The following MARK4 variants were observed in gnomAD, a reference collection of about 807,000 sequenced individuals.
MARK4 encodes the protein microtubule affinity regulating kinase 4.
A neutral mutation model predicts 81.5 loss-of-function variants in MARK4; 19 were observed. The observed-to-expected ratio is 0.23, with a 90% CI of 0.16 to 0.34. MARK4 has a LOEUF of 0.34. Ranked by LOEUF, MARK4 falls within the 10% of genes least tolerant of loss-of-function variation. The probability of loss-of-function intolerance (pLI) is 1.00; values close to 1 mark genes in which losing one functional copy is unlikely to be tolerated. For synonymous variants in MARK4, 436 were observed against 439.0 expected (o/e 0.99, Z 0.08); for missense variants, 772 against 1,058.8 (o/e 0.73, Z 3.76).
At position 45,287,570 on chromosome 19, in the gene MARK4, G is replaced by A. The variant is rs756518643; in HGVS notation, c.1400G>A (p.Arg467Gln). The A allele has an allele frequency of 1.3e-6, 2 of 1,594,458 alleles. No homozygotes were observed. Among genetic ancestry groups the A allele is most frequent in the Admixed American group, 1.7e-5 (1 of 57,978 alleles). Residue 467 changes from arginine (R) to glutamine (Q), a missense_variant, in exon 13 of 17, where the codon CGA (arginine) becomes CAA (glutamine). Arg to Gln is a conservative substitution (Grantham distance 43). Around this residue, in one of 3 missense-constraint regions of MARK4, gnomAD observed 548 missense variants for 624.3 expected, o/e 0.88. Coordinates refer to ENST00000262891, the MANE Select transcript of MARK4 (RefSeq NM_001199867.2). ...TGCAGCACCGCGGGGAGTGGGAGTC[G>A]AGGGCTGCCCCCCTCCAGCCCCATG... The part of the protein sequence containing the change: ...ASCSTAGSGS[R>Q]GLPPSSPMVS...
chr19:45,290,632 A>T (rs1970808722), intron 13 of MARK4, among the ~76,000 whole-genome samples: 1 of 152,164 alleles, frequency 6.6e-6, no homozygotes, highest in African/African-American at 2.4e-5. Context: ...ACCACTTATG[A>T]CCAGCTTTAA....
chr19:45,291,713 C>T (rs1047158630), intron 13 of MARK4, among the ~76,000 whole-genome samples: 1 of 152,164 alleles, frequency 6.6e-6, no homozygotes. Flanking sequence ...ACCTAGGAGG[C>T]GGAGGTTGCA....
chr19:45,280,876 C>A (rs1412770550), intron 12 of MARK4, 142 bp downstream of exon 12: 17 of 1,208,130 alleles, frequency 1.4e-5, no homozygotes, highest in Non-Finnish European at 1.7e-5. Flanking sequence ...TATAAAGACA[C>A]AGGGCATTGC....
intron 15 of MARK4, chr19:45,298,167 G>A (rs1970916647): frequency 3.7e-6 from 6 of 1,613,682 alleles, no homozygotes; most frequent in Non-Finnish European, 4.2e-6. Flanking sequence ...CCTCTAAACG[G>A]CAGAACTCTA....
chr19:45,264,507 A>G (rs1970424265), intron 4 of MARK4, among the ~76,000 whole-genome samples, 177 bp from the exon 5 acceptor site: 1 of 151,230 alleles, frequency 6.6e-6, no homozygotes, highest in Non-Finnish European at 1.5e-5. Flanking sequence ...AAAAAACGAA[A>G]GTGGAAAGGG....
At chr19:45,299,371 C>G (rs560786978) in intron 15 of MARK4, among the ~76,000 whole-genome samples, 1 of 152,232 alleles carries the variant, frequency 6.6e-6, no homozygotes, top group East Asian at 1.9e-4. Context: ...CTGCAGCGAG[C>G]TGAGATCACG....
Position 45,303,732 on chromosome 19 carries a change from GTC to G in MARK4, c.*1024_*1025del. 1 of 149,014 alleles carries G rather than the reference GTC, an allele frequency of 6.7e-6. No individual in the cohort carries two copies. Among genetic ancestry groups the G allele is most frequent in the African/African-American group, 2.6e-5 (1 of 38,422 alleles). 9.2% of individuals were successfully genotyped at this position (149,014 alleles called of 1,614,324 possible). A position where few individuals can be genotyped will look rare whatever the true frequency, so the allele number is the denominator to read the frequency against. ...GCTGGACACAGAGACATGAAGCTCT[GTC>G]TGTGGGAGACAGGGATTCTGACACA... On this transcript the variant is annotated 3_prime_UTR_variant, in exon 17 of 17. Transcript: ENST00000262891.
rs531720953 is a variant in MARK4, at chr19:45,258,272, A to T, written c.52-717A>T. Among the ~76,000 whole-genome samples, 5 of 152,320 alleles carry T rather than the reference A, an allele frequency of 3.3e-5. No individual in the cohort carries two copies. In the South Asian group the frequency reaches 1.0e-3, roughly 32 times the overall value. On this transcript the variant is annotated intron_variant, in intron 1 of 16. Coordinates refer to ENST00000262891, the MANE Select transcript of MARK4 (RefSeq NM_001199867.2). Reference sequence around the variant, plus strand: ...AGTGCTGGGATTACAGGCCTGAGCCACTGCACCTGGCCACCTGGCCCATAA... The same window carrying T: ...AGTGCTGGGATTACAGGCCTGAGCCTCTGCACCTGGCCACCTGGCCCATAA...
At chr19:45,290,159 C>T (rs978112466) in intron 13 of MARK4, among the ~76,000 whole-genome samples, 3 of 152,240 alleles carry the variant, frequency 2.0e-5, no homozygotes, top group Non-Finnish European at 2.9e-5. Flanking sequence ...TTCTTGAGAA[C>T]ATTCATCTTT....
chr19:45,281,727 T>C (rs1468767587), intron 12 of MARK4, among the ~76,000 whole-genome samples: 4 of 152,142 alleles, frequency 2.6e-5, no homozygotes, highest in Non-Finnish European at 5.9e-5. Flanking sequence ...GAAGCTCTGA[T>C]ATCAGAGTCA....
At chr19:45,252,449 G>T (rs141266444) in intron 1 of MARK4, among the ~76,000 whole-genome samples, 1 of 151,906 alleles carries the variant, frequency 6.6e-6, no homozygotes, top group Non-Finnish European at 1.5e-5. Flanking sequence ...GGCCTCATCC[G>T]CCCTCTATCA....
intron 7 of MARK4, among the ~76,000 whole-genome samples, chr19:45,270,911 T>C (rs952787850): frequency 9.2e-5 from 14 of 152,176 alleles, no homozygotes; most frequent in African/African-American, 3.4e-4. Flanking sequence ...GCTGGGATTA[T>C]AGGCATGTGC....
intron 6 of MARK4, among the ~76,000 whole-genome samples, chr19:45,265,871 C>G (rs1179788331): frequency 6.6e-6 from 1 of 151,944 alleles, no homozygotes; most frequent in South Asian, 2.1e-4. Flanking sequence ...GTGTTTCTGC[C>G]TTGACGCTGC....
At chr19:45,298,319 G>C (rs1970920407) in intron 15 of MARK4, 1 of 1,204,840 alleles carries the variant, frequency 8.3e-7, no homozygotes, top group East Asian at 2.3e-5. Flanking sequence ...CTGTGGATGT[G>C]AGGGTCTGTG....
At chr19:45,281,592 C>T (rs1476182316) in intron 12 of MARK4, among the ~76,000 whole-genome samples, 4 of 152,086 alleles carry the variant, frequency 2.6e-5, no homozygotes, top group South Asian at 2.1e-4. Context: ...TACTCCTGAC[C>T]TCATGATCCA....
At chr19:45,261,257 A>G (rs147594967) in intron 2 of MARK4, among the ~76,000 whole-genome samples, 2 of 152,310 alleles carry the variant, frequency 1.3e-5, no homozygotes, top group African/African-American at 4.8e-5. Context: ...CCAGACAAGA[A>G]ACAAAATTAC....
intron 5 of MARK4, 26 bp from the exon 6 acceptor site, chr19:45,264,814 G>T (rs1454955308): frequency 6.2e-7 from 1 of 1,614,086 alleles, no homozygotes; most frequent in Non-Finnish European, 8.5e-7. Flanking sequence ...ACCTGACCCT[G>T]ACCCCGCTCG....
At chr19:45,269,410 A>G (rs961988035) in intron 7 of MARK4, among the ~76,000 whole-genome samples, 2 of 152,102 alleles carry the variant, frequency 1.3e-5, no homozygotes, top group Non-Finnish European at 2.9e-5. Context: ...GTAAGCCCCG[A>G]GCAAGCCAGA....
chr19:45,282,948 C>T (rs1024583262), intron 12 of MARK4, among the ~76,000 whole-genome samples: 10 of 152,046 alleles, frequency 6.6e-5, no homozygotes, highest in African/African-American at 1.7e-4. Context: ...GCCGTGATCG[C>T]GCCACTGTAC....
Sources: gnomAD v4.1 joint callset for allele counts (sites outside exome capture counted in the v4.1 genomes callset) on GRCh38, gnomAD v4.1.1 for gene constraint, gnomAD v4.1.1 regional missense constraint, MANE v1.5 for transcripts, NCBI Gene and HGNC (gene_info 2026-07-23, HGNC 2026-07-21) for gene names.